The following LRP2 variants were observed in gnomAD, a reference collection of about 807,000 sequenced individuals.
LRP2 encodes low-density lipoprotein receptor-related protein 2.
In LRP2, 172 loss-of-function variants were observed where a neutral mutation model predicts 531.0. The observed-to-expected ratio is 0.32, with a 90% CI of 0.29 to 0.37. The LOEUF is 0.37. Ranked by LOEUF, LRP2 falls within the 10% of genes least tolerant of loss-of-function variation. The probability of loss-of-function intolerance (pLI) is 1.00; values close to 1 mark genes in which losing one functional copy is unlikely to be tolerated. For synonymous variants in LRP2, 1,992 were observed against 2,027.6 expected, an observed-to-expected ratio of 0.98 and a Z score of 0.47; for missense variants, 5,167 against 5,868.3, an observed-to-expected ratio of 0.88 and a Z score of 3.90.
intron 28 of LRP2, 93 bp from the exon 29 acceptor site, chr2:169,236,161 C>G (rs551591970): frequency 2.2e-6 from 2 of 925,454 alleles, no homozygotes; most frequent in African/African-American, 1.6e-5. Context: ...TGTTTATGCC[C>G]TGCTTAAAAT....
rs1346521540 is a variant in LRP2, at chr2:169,128,510, T to TA, written c.*152dup. 4 of 687,320 alleles carry TA rather than the reference T, an allele frequency of 5.8e-6. No individual in the cohort carries two copies. The highest frequency in any genetic ancestry group is 3.6e-5 in the African/African-American group (2 of 55,358). 42.6% of individuals were successfully genotyped at this position (687,320 alleles called of 1,614,324 possible). A position where few individuals can be genotyped will look rare whatever the true frequency, so the allele number is the denominator to read the frequency against. On this transcript the variant is annotated 3_prime_UTR_variant, in exon 79 of 79. Transcript: ENST00000649046. The stretch of plus-strand genomic sequence containing the variant: ...TTGTAAAAATATGAGACGGCATAAG[T>TA]AAAAAAAGACACACAGGATACCTCC...
chr2:169,219,612 G>A lies in LRP2; in HGVS notation c.5648+842C>T, dbSNP rs140310519. Among the ~76,000 whole-genome samples, 3 of 152,180 alleles carry A rather than the reference G, an allele frequency of 2.0e-5. No homozygotes were observed. The East Asian group carries it at 5.8e-4, about 29-fold the overall frequency. On this transcript the variant is annotated intron_variant, in intron 34 of 78. Transcript: ENST00000649046. ...GAGAAAACCAAATACCACATGTTCT[G>A]ACTTATAAGTGGGAGCTAAACATTG... is the stretch of plus-strand genomic sequence containing the variant.
chr2:169,259,884 A>G (rs1690477723), intron 16 of LRP2, among the ~76,000 whole-genome samples: 1 of 152,112 alleles, frequency 6.6e-6, no homozygotes, highest in African/African-American at 2.4e-5. Flanking sequence ...AAAAAATCCT[A>G]CTACTTTTTC....
At chr2:169,343,883 T>G (rs2105563412) in intron 1 of LRP2, among the ~76,000 whole-genome samples, 1 of 152,320 alleles carries the variant, frequency 6.6e-6, no homozygotes, top group Middle Eastern at 3.4e-3. Flanking sequence ...CTTAATACCT[T>G]AAAGGAAGCC....
intron 44 of LRP2, 82 bp downstream of exon 44, chr2:169,201,546 C>CT (rs995106372): frequency 1.7e-4 from 261 of 1,576,106 alleles, no homozygotes; most frequent in Middle Eastern, 3.8e-4. Flanking sequence ...TTTGGAAAGC[C>CT]TTTTTTTTAT....
At position 169,168,434 on chromosome 2, in the gene LRP2, T is replaced by G; in HGVS notation, c.11635+105A>C. 6.4e-6 allele frequency: 9 copies of G among 1,408,554 alleles called. No homozygotes were observed. The South Asian group carries it at 1.1e-4, about 17-fold the overall frequency. The allele number at this position is 1,408,554 out of a possible 1,614,324, so 87.3% of individuals were successfully genotyped here. A position where few individuals can be genotyped will look rare whatever the true frequency, so the allele number is the denominator to read the frequency against. Reference sequence around the variant, plus strand: ...CCAACGCTGATCCTGTGTCCATTCCTAAACAATTGTACAACTGCTCTCCAG... The same window carrying G: ...CCAACGCTGATCCTGTGTCCATTCCGAAACAATTGTACAACTGCTCTCCAG... On this transcript the variant is annotated intron_variant, in intron 61 of 78. Coordinates refer to ENST00000649046, the MANE Select transcript of LRP2 (RefSeq NM_004525.3).
intron 3 of LRP2, 137 bp downstream of exon 3, chr2:169,318,625 C>G: frequency 8.4e-7 from 1 of 1,186,852 alleles, no homozygotes; most frequent in South Asian, 1.3e-5. Context: ...AATGAGATTG[C>G]TGGCATAGGT....
intron 3 of LRP2, among the ~76,000 whole-genome samples, chr2:169,311,203 A>G (rs1201204119): frequency 3.3e-5 from 5 of 151,980 alleles, no homozygotes; most frequent in African/African-American, 1.2e-4. Context: ...CATCTCCTTC[A>G]GTTCTGCTCT....
chr2:169,236,029 A>T lies in LRP2; in HGVS notation c.4731T>A (p.Pro1577=), dbSNP rs1229861862. ...CGTCCATGCTGGCTCGCTCGATGCG[A>T]GGGTGGTGGCCCCAGTCAGACCAGA... ...LLFWSDWGHH[P]RIERASMDGS... is the part of the protein sequence containing the mutation. Residue 1577 remains proline (P), a synonymous_variant, in exon 29 of 79, where the codon CCT becomes CCA. Coordinates refer to ENST00000649046, the MANE Select transcript of LRP2 (RefSeq NM_004525.3). 6.2e-7 allele frequency: 1 copy of T among 1,614,152 alleles called. No homozygotes were observed. The highest frequency in any genetic ancestry group is 1.1e-5 in the South Asian group (1 of 91,078).
intron 1 of LRP2, among the ~76,000 whole-genome samples, chr2:169,352,872 G>C (rs1406947786): frequency 6.6e-6 from 1 of 151,904 alleles, no homozygotes; most frequent in Non-Finnish European, 1.5e-5. Flanking sequence ...GGGCCTGTCA[G>C]GGGGTGGGGG....
chr2:169,335,563 C>T (rs1007670345), intron 1 of LRP2, among the ~76,000 whole-genome samples: 1 of 152,182 alleles, frequency 6.6e-6, no homozygotes, highest in African/African-American at 2.4e-5. Flanking sequence ...GCCTGTAACC[C>T]CAGCACTTTG....
chr2:169,209,772 T>C (rs1276308048), intron 37 of LRP2, 131 bp from the exon 38 acceptor site: 9 of 891,652 alleles, frequency 1.0e-5, no homozygotes, highest in African/African-American at 1.7e-5. Flanking sequence ...AATGAAACCC[T>C]TTTTTCCCAG....
intron 77 of LRP2, among the ~76,000 whole-genome samples, chr2:169,129,485 A>C (rs1685208052): frequency 6.6e-6 from 1 of 152,024 alleles, no homozygotes; most frequent in African/African-American, 2.4e-5. Context: ...CCAAACTGTA[A>C]CTCTTATTCC....
At chr2:169,308,063 A>G (rs1486387558) in intron 3 of LRP2, among the ~76,000 whole-genome samples, 1 of 152,186 alleles carries the variant, frequency 6.6e-6, no homozygotes, top group African/African-American at 2.4e-5. Flanking sequence ...AGGAATTACC[A>G]TAACATGGTA....
chr2:169,308,491 C>A (rs192990929), intron 3 of LRP2, among the ~76,000 whole-genome samples: 4 of 152,166 alleles, frequency 2.6e-5, no homozygotes, highest in African/African-American at 4.8e-5. Flanking sequence ...TCTGTCCTTG[C>A]GATAGTTTGC....
rs1191528397 is a variant in LRP2, at chr2:169,206,526, C to T, written c.7194G>A (p.Leu2398=). 1 of 1,614,158 alleles carries T rather than the reference C, an allele frequency of 6.2e-7. No individual in the cohort carries two copies. The highest frequency in any genetic ancestry group is 8.5e-7 in the Non-Finnish European group (1 of 1,180,026). The change falls in exon 39 of 79, where the codon TTG becomes TTA. Residue 2398 remains leucine, a synonymous_variant. Transcript: ENST00000649046. ...TTTCAGGGTCCAAGTGTAAGCTTCT[C>T]AAGGAATTAGACAAGGCAAAGATGA... The part of the protein sequence containing the change: ...NFLIFALSNS[L]RSLHLDPENH...
chr2:169,137,331 C>T, intron 76 of LRP2, 61 bp downstream of exon 76: 1 of 1,184,132 alleles, frequency 8.4e-7, no homozygotes, highest in Non-Finnish European at 1.3e-6. Flanking sequence ...TAAGACATGA[C>T]TCAATAGATT....
At chr2:169,239,457 C>T (rs1689725447) in intron 26 of LRP2, 70 bp downstream of exon 26, 1 of 1,612,606 alleles carries the variant, frequency 6.2e-7, no homozygotes, top group African/African-American at 1.3e-5. Context: ...TGTCAAATAC[C>T]TACATGTGCC....
intron 30 of LRP2, 143 bp from the exon 31 acceptor site, chr2:169,231,985 T>C: frequency 9.6e-7 from 1 of 1,042,162 alleles, no homozygotes; most frequent in Non-Finnish European, 1.4e-6. Context: ...TTTCTTTTGT[T>C]TTGTTTTCAC....
Sources: gnomAD v4.1 joint callset for allele counts (sites outside exome capture counted in the v4.1 genomes callset) on GRCh38, gnomAD v4.1.1 for gene constraint, MANE v1.5 for transcripts, NCBI Gene and HGNC (gene_info 2026-07-23, HGNC 2026-07-21) for gene names.